The following RYR1 variants were observed in gnomAD, a reference collection of about 807,000 sequenced individuals.
RYR1 encodes ryanodine receptor 1.
Under a neutral mutation model 583.5 loss-of-function variants are expected in RYR1, and 342 were observed. The ratio of observed to expected loss-of-function variants is 0.59; its 90% CI spans 0.54 to 0.64. RYR1 has a LOEUF of 0.64. Ranked by LOEUF, RYR1 falls within the 30% of genes least tolerant of loss-of-function variation. The pLI, the probability that RYR1 is intolerant of heterozygous loss-of-function variation, is 0.00. For missense variants in RYR1, 6,032 were observed against 6,917.2 expected, an observed-to-expected ratio of 0.87 and a Z score of 4.54; for synonymous variants, 2,791 against 2,822.5, an observed-to-expected ratio of 0.99 and a Z score of 0.35.
rs1970060233 is a variant in RYR1 at position 38,500,527 on chromosome 19, G to A, written c.7324-79G>A. On this transcript the variant is annotated intron_variant, in intron 45 of 105. Transcript: ENST00000359596. The surrounding 1 kb of genome is among the most constrained non-coding windows in gnomAD (Gnocchi z 5.9). ...GAGGCCTGCTCTACCCTCCTGTGTG[G>A]TAAGGGAGGGAGCAGAGCAGTCACT... 2.5e-6 allele frequency: 4 copies of A among 1,583,638 alleles called. No individual in the cohort carries two copies. The highest frequency in any genetic ancestry group is 3.5e-6 in the Non-Finnish European group (4 of 1,156,596).
intron 97 of RYR1, 65 bp downstream of exon 97, chr19:38,576,026 C>A (rs1973943219): frequency 6.3e-7 from 1 of 1,580,848 alleles, no homozygotes. Context: ...CCATCACAGG[C>A]CTGCCAAGCA....
chr19:38,450,928 G>A (rs1967042798), intron 11 of RYR1, among the ~76,000 whole-genome samples: 1 of 152,138 alleles, frequency 6.6e-6, no homozygotes, highest in South Asian at 2.1e-4. Flanking sequence ...ATTATTTTGG[G>A]GGCTGCTTTC....
Position 38,486,073 on chromosome 19 carries a change from C to T in RYR1, c.5418C>T (p.Ala1806=), listed in dbSNP as rs776957312. The stretch of plus-strand genomic sequence containing the variant: ...TCAGCCCTGCCATCCCGCTGGAGGC[C>T]CTGCGGGACAAGGCACTGAGGATGC... ...ARLSPAIPLE[A]LRDKALRMLG... Residue 1806 remains alanine, a synonymous_variant, in exon 34 of 106, where the codon GCC becomes GCT. Coordinates refer to ENST00000359596, the MANE Select transcript of RYR1 (RefSeq NM_000540.3). The T allele has an allele frequency of 6.2e-7, 1 of 1,612,536 alleles. No homozygotes were observed. The highest frequency in any genetic ancestry group is 8.5e-7 in the Non-Finnish European group (1 of 1,179,314).
At position 38,464,669 on chromosome 19, in the gene RYR1, C is replaced by A; in HGVS notation, c.2817C>A (p.Gly939=). 1 of 1,593,556 alleles carries A rather than the reference C, an allele frequency of 6.3e-7. No individual in the cohort carries two copies. Among genetic ancestry groups the A allele is most frequent in the Non-Finnish European group, 8.5e-7 (1 of 1,170,310 alleles). Residue 939 remains glycine, a synonymous_variant, in exon 23 of 106, where the codon GGC becomes GGA. Transcript: ENST00000359596. ...TGCTGGCTCTGGGCTGCCACGTGGG[C>A]ATGGCGGATGAGAAGGCGGAGGACA... ...KTLLALGCHV[G]MADEKAEDNL...
At chr19:38,508,632 G>T (rs560375803) in intron 58 of RYR1, among the ~76,000 whole-genome samples, 3 of 152,206 alleles carry the variant, frequency 2.0e-5, no homozygotes, top group Non-Finnish European at 2.9e-5. Flanking sequence ...TCTGTTCCTT[G>T]CAGGCAAAGG....
chr19:38,481,949 G>A (rs1472871822), intron 31 of RYR1, among the ~76,000 whole-genome samples: 4 of 151,926 alleles, frequency 2.6e-5, no homozygotes, highest in African/African-American at 7.3e-5. Context: ...TTAGCCTGGC[G>A]TGGTGACGGG....
In RYR1 at chr19:38,543,832, G is replaced by C. The variant is rs193922843; in HGVS notation, c.11969G>C (p.Gly3990Ala). The stretch of plus-strand genomic sequence containing the variant: ...AGTCGCCTATGGGACGCAGTGGTGG[G>C]ATTCCTGCACGTGTTCGCCCACATG... ...AHSRLWDAVVGFLHVFAHMMM... is the reference protein window; with the variant it reads ...AHSRLWDAVVAFLHVFAHMMM... The change falls in exon 87 of 106, where the codon GGA becomes GCA. Residue 3990 changes from glycine (G) to alanine (A), a missense_variant. Physicochemically the swap from Gly to Ala is moderately conservative, Grantham distance 60. Around this residue, in one of 11 missense-constraint regions of RYR1, gnomAD observed 82 missense variants for 139.7 expected, o/e 0.59. Transcript: ENST00000359596. This position sits in a 1 kb window ranked among gnomAD's most constrained non-coding sequence, Gnocchi z 4.4. 6.2e-7 allele frequency: 1 copy of C among 1,613,900 alleles called. No homozygotes were observed. The highest frequency in any genetic ancestry group is 8.5e-7 in the Non-Finnish European group (1 of 1,180,040).
chr19:38,515,074 C>A lies in RYR1; in HGVS notation c.9521C>A (p.Ser3174Tyr). Residue 3174 changes from serine (S) to tyrosine (Y), a missense_variant, in exon 64 of 106, where the codon TCC becomes TAC. Ser to Tyr is a moderately radical substitution (Grantham distance 144, BLOSUM62 -2). Coordinates refer to ENST00000359596, the MANE Select transcript of RYR1 (RefSeq NM_000540.3). ...SCYRTLCSIY[S>Y]LGTTKNTYVE... ...TACCGAACGCTGTGCAGTATCTACT[C>A]CCTGGGAACCACCAAGAACACTTAT... is the stretch of plus-strand genomic sequence containing the variant. 6.2e-7 allele frequency: 1 copy of A among 1,613,530 alleles called. No individual in the cohort carries two copies. The highest frequency in any genetic ancestry group is 8.5e-7 in the Non-Finnish European group (1 of 1,179,844).
At chr19:38,457,046 C>CAAAAAA (rs71165550) in intron 16 of RYR1, among the ~76,000 whole-genome samples, 6 of 19,746 alleles carry the variant, frequency 3.0e-4, no homozygotes, top group Non-Finnish European at 2.5e-4. Context: ...ACTCCATCTC[C>CAAAAAA]AAAAAAAAAA....
chr19:38,528,459 A>T, intron 74 of RYR1, 41 bp downstream of exon 74: 2 of 1,607,408 alleles, frequency 1.2e-6, no homozygotes, highest in Non-Finnish European at 1.7e-6. Flanking sequence ...AGGGCTGCGG[A>T]GAAAGGGTGG....
At chr19:38,577,168 G>C (rs951471334) in intron 97 of RYR1, among the ~76,000 whole-genome samples, 3 of 152,006 alleles carry the variant, frequency 2.0e-5, no homozygotes, top group African/African-American at 7.2e-5. Flanking sequence ...TTACAGGCAC[G>C]AGCCACCGCG....
At chr19:38,567,957 G>C in intron 93 of RYR1, 40 bp downstream of exon 93, 1 of 1,608,836 alleles carries the variant, frequency 6.2e-7, no homozygotes, top group Non-Finnish European at 8.5e-7. Context: ...TCTTCTCCCC[G>C]GGAGCCCCAC....
intron 102 of RYR1, among the ~76,000 whole-genome samples, chr19:38,585,726 G>A (rs1429861938): frequency 2.6e-5 from 4 of 151,784 alleles, no homozygotes; most frequent in South Asian, 4.2e-4. Context: ...CAGATGATCC[G>A]CCCACCTCAG....
intron 69 of RYR1, 123 bp downstream of exon 69, chr19:38,523,432 G>A: frequency 9.1e-7 from 1 of 1,093,190 alleles, no homozygotes; most frequent in South Asian, 1.3e-5. Context: ...AGTCCTCAGA[G>A]CAGCCCCTCT....
At chr19:38,503,027 T>A (rs922565788) in intron 49 of RYR1, 57 bp downstream of exon 49, 1 of 1,553,710 alleles carries the variant, frequency 6.4e-7, no homozygotes, top group Non-Finnish European at 8.8e-7. Context: ...TGGTTTGCTC[T>A]TCCCTCCTAC....
At chr19:38,446,399 T>G in intron 7 of RYR1, 73 bp from the exon 8 acceptor site, 1 of 1,165,970 alleles carries the variant, frequency 8.6e-7, no homozygotes, top group Non-Finnish European at 1.3e-6. Flanking sequence ...GCAGGGCCCC[T>G]GACTTCATCT....
rs545488153 is a variant in RYR1, at chr19:38,548,715, C to T, written c.12282+295C>T. The stretch of plus-strand genomic sequence containing the variant: ...ACCTCAGCCTCCTGAGTAGTTGGGA[C>T]GACGGGTGTGTGACATCATGCCTGG... On this transcript the variant is annotated intron_variant, in intron 89 of 105. Coordinates refer to ENST00000359596, the MANE Select transcript of RYR1 (RefSeq NM_000540.3). Among the ~76,000 whole-genome samples the T allele has an allele frequency of 1.6e-4, 25 of 152,218 alleles. 1 individual carries two copies. In the South Asian group the frequency reaches 3.9e-3, roughly 24 times the overall value.
intron 101 of RYR1, among the ~76,000 whole-genome samples, chr19:38,582,423 T>TA (rs887966514): frequency 6.0e-5 from 9 of 150,464 alleles, no homozygotes; most frequent in Admixed American, 2.0e-4. Context: ...AAAAAAGACT[T>TA]AGACTAGTGC....
chr19:38,463,453 C>A lies in RYR1; in HGVS notation c.2608C>A (p.Arg870=), dbSNP rs573876812. The change falls in exon 21 of 106, where the codon CGG becomes AGG. Residue 870 remains arginine (R), a synonymous_variant. Transcript: ENST00000359596. ...IVLPPHLERI[R]EKLAENIHEL... ...CCTGCCGCCCCATCTGGAGCGCATT[C>A]GGGAGAAGCTGGCGGAGAACATCCA... The A allele has an allele frequency of 6.2e-7, 1 of 1,613,934 alleles. No individual in the cohort carries two copies. The highest frequency in any genetic ancestry group is 1.1e-5 in the South Asian group (1 of 91,074).
Sources: allele counts gnomAD v4.1 joint callset (sites outside exome capture counted in the v4.1 genomes callset), GRCh38; gene constraint gnomAD v4.1.1; regional missense constraint gnomAD v4.1.1; non-coding constraint Gnocchi (gnomAD v3.1); transcripts MANE v1.5; gene names NCBI Gene and HGNC (gene_info 2026-07-23, HGNC 2026-07-21).